Variants in FER observed in about 807,000 individuals in gnomAD.
FER encodes tyrosine-protein kinase Fer.
FER carries 63 observed loss-of-function variants against 111.0 expected under a neutral mutation model. The ratio of observed to expected loss-of-function variants is 0.57; its 90% CI spans 0.46 to 0.70. The LOEUF is 0.70. Ranked by LOEUF, FER falls within the 30% of genes least tolerant of loss-of-function variation. The pLI, the probability that FER is intolerant of heterozygous loss-of-function variation, is 0.00. For synonymous variants in FER, 327 were observed against 313.9 expected (o/e 1.04, Z -0.44); for missense variants, 914 against 954.0 (o/e 0.96, Z 0.55).
chr5:108,774,408 G>A (rs1318449575), intron 2 of FER, among the ~76,000 whole-genome samples: 1 of 152,094 alleles, frequency 6.6e-6, no homozygotes, highest in African/African-American at 2.4e-5. Flanking sequence ...TGTTCCTTTG[G>A]ATATAGACCC....
intron 10 of FER, among the ~76,000 whole-genome samples, chr5:108,911,381 G>C (rs987225269): frequency 1.3e-5 from 2 of 151,906 alleles, no homozygotes; most frequent in African/African-American, 4.8e-5. Context: ...CTTTGTTAGA[G>C]TCATAACTTG....
intron 9 of FER, among the ~76,000 whole-genome samples, chr5:108,888,785 G>A (rs895790000): frequency 1.1e-4 from 17 of 151,790 alleles, no homozygotes; most frequent in African/African-American, 3.9e-4. Context: ...TTATGTCATA[G>A]ATAAAGGCTG....
chr5:108,771,381 T>G (rs1160106779), intron 2 of FER, among the ~76,000 whole-genome samples: 1 of 152,226 alleles, frequency 6.6e-6, no homozygotes, highest in African/African-American at 2.4e-5. Context: ...CTTTTGAGTT[T>G]TAGAGCTGAG....
At chr5:108,776,523 G>A (rs1267753640) in intron 2 of FER, among the ~76,000 whole-genome samples, 2 of 152,130 alleles carry the variant, frequency 1.3e-5, no homozygotes, top group African/African-American at 2.4e-5. Context: ...AAAAACAGGA[G>A]ACATTTTATA....
rs531805986 is a variant in FER, at chr5:109,093,298, G to A, written c.1925-7098G>A. Among the ~76,000 whole-genome samples the A allele has an allele frequency of 1.4e-4, 22 of 152,216 alleles. No homozygotes were observed. In the South Asian group the frequency reaches 3.9e-3, roughly 27 times the overall value. ...TAAAAAAGTGAGAAAGAAGATTCTTGTTTATTCAGACTTGTTTTAATACAG... is the reference window on the plus strand; with the variant it reads ...TAAAAAAGTGAGAAAGAAGATTCTTATTTATTCAGACTTGTTTTAATACAG... On this transcript the variant is annotated intron_variant, in intron 16 of 19. Coordinates refer to ENST00000281092, the MANE Select transcript of FER (RefSeq NM_005246.4).
At chr5:108,897,063 G>A (rs919433162) in intron 9 of FER, among the ~76,000 whole-genome samples, 4 of 152,130 alleles carry the variant, frequency 2.6e-5, no homozygotes, top group Non-Finnish European at 5.9e-5. Context: ...TTTAAAGGAG[G>A]GATGGGAAAG....
intron 8 of FER, 127 bp downstream of exon 8, chr5:108,872,339 A>T (rs954390738): frequency 8.8e-6 from 7 of 793,894 alleles, no homozygotes; most frequent in Non-Finnish European, 1.9e-6. Flanking sequence ...TCAGAGTGAC[A>T]TGTTTTGAGA....
chr5:109,025,764 A>G (rs1768636085), intron 13 of FER, among the ~76,000 whole-genome samples: 2 of 151,998 alleles, frequency 1.3e-5, no homozygotes, highest in South Asian at 2.1e-4. Context: ...GGTTTGTCAT[A>G]GATAGCTCTT....
At chr5:109,128,379 G>A (rs1378537244) in intron 17 of FER, among the ~76,000 whole-genome samples, 2 of 151,852 alleles carry the variant, frequency 1.3e-5, no homozygotes, top group African/African-American at 4.8e-5. Context: ...GTAAGTTTTG[G>A]GAACCTAAAA....
At chr5:109,051,870 G>A (rs1417046705) in intron 16 of FER, 4 of 1,563,732 alleles carry the variant, frequency 2.6e-6, no homozygotes, top group African/African-American at 1.4e-5. Context: ...AGAGGAAGCA[G>A]TCCACCTGAT....
At chr5:109,111,107 T>C (rs553500985) in intron 17 of FER, among the ~76,000 whole-genome samples, 2 of 152,312 alleles carry the variant, frequency 1.3e-5, no homozygotes, top group African/African-American at 4.8e-5. Flanking sequence ...AAGTATACTT[T>C]GTTAATAGTA....
chr5:108,959,441 C>G, intron 13 of FER, 94 bp downstream of exon 13: 2 of 1,263,374 alleles, frequency 1.6e-6, no homozygotes, highest in Non-Finnish European at 2.1e-6. Context: ...AGGTTATATG[C>G]TAGTAGTTCA....
At chr5:108,897,952 T>A in intron 10 of FER, 104 bp downstream of exon 10, 8 of 1,067,790 alleles carry the variant, frequency 7.5e-6, no homozygotes, top group Non-Finnish European at 2.6e-6. Flanking sequence ...GTTACTCTTG[T>A]TAATATGCAG....
chr5:109,003,971 C>T (rs781036224), intron 13 of FER, among the ~76,000 whole-genome samples: 58 of 152,146 alleles, frequency 3.8e-4, no homozygotes, highest in Non-Finnish European at 4.0e-4. Flanking sequence ...CGGTGTAAGA[C>T]CGGGTCTCAA....
chr5:108,935,047 C>CTT (rs1755263931), intron 10 of FER, among the ~76,000 whole-genome samples: 1 of 152,030 alleles, frequency 6.6e-6, no homozygotes, highest in Non-Finnish European at 1.5e-5. Flanking sequence ...GGTGATTTTT[C>CTT]TTTTCTTAGA....
chr5:108,954,695 T>C, intron 11 of FER, 34 bp from the exon 12 acceptor site: 6 of 1,386,740 alleles, frequency 4.3e-6, no homozygotes, highest in Non-Finnish European at 5.8e-6. Flanking sequence ...GTATTTTCTC[T>C]AATTTAGTTT....
intron 17 of FER, among the ~76,000 whole-genome samples, chr5:109,113,251 G>C (rs1354206684): frequency 6.6e-6 from 1 of 152,090 alleles, no homozygotes; most frequent in Non-Finnish European, 1.5e-5. Flanking sequence ...GCCTGATCTT[G>C]ATCTGTCCTA....
chr5:108,917,301 T>C (rs1752395294), intron 10 of FER, among the ~76,000 whole-genome samples: 1 of 152,172 alleles, frequency 6.6e-6, no homozygotes, highest in African/African-American at 2.4e-5. Flanking sequence ...ATTGTTTCTA[T>C]TTTTAAGATA....
chr5:108,842,517 T>C (rs1247549810), intron 5 of FER: 1 of 151,908 alleles, frequency 6.6e-6, no homozygotes, highest in Non-Finnish European at 1.5e-5. Context: ...AAATCCAGAA[T>C]CTACAACGAA....
Sources: gnomAD v4.1 joint callset for allele counts (sites outside exome capture counted in the v4.1 genomes callset) on GRCh38, gnomAD v4.1.1 for gene constraint, MANE v1.5 for transcripts, NCBI Gene and HGNC (gene_info 2026-07-23, HGNC 2026-07-21) for gene names.